Variants in L3MBTL4 observed in about 807,000 individuals in gnomAD.
L3MBTL4 encodes the protein lethal(3)malignant brain tumor-like protein 4.
Under a neutral mutation model 84.5 loss-of-function variants are expected in L3MBTL4, and 70 were observed. The observed-to-expected ratio is 0.83, with a 90% CI of 0.68 to 1.01. The LOEUF (loss-of-function observed/expected upper bound fraction) is 1.01. Ranked by LOEUF, L3MBTL4 falls within the 50% of genes least tolerant of loss-of-function variation. The pLI is 0.00. For missense variants in L3MBTL4, 715 were observed against 754.8 expected (o/e 0.95, Z 0.62); for synonymous variants, 274 against 259.8 (o/e 1.05, Z -0.52).
At position 6,126,200 on chromosome 18, in the gene L3MBTL4, T is replaced by A. The variant is rs1306782837; in HGVS notation, c.1199+11994A>T. On this transcript the variant is annotated intron_variant, in intron 14 of 18. Transcript: ENST00000317931. ...ACTTGGATTATGGGACTATAAGTGG[T>A]TTTTATTTATTTTTAAATGCTTCTT... Among the ~76,000 whole-genome samples the A allele has an allele frequency of 3.9e-5, 6 of 152,210 alleles. No individual in the cohort carries two copies. The East Asian group carries it at 9.6e-4, about 24-fold the overall frequency.
intron 16 of L3MBTL4, among the ~76,000 whole-genome samples, chr18:6,026,908 C>T (rs2055533193): frequency 6.6e-6 from 1 of 151,898 alleles, no homozygotes; most frequent in Non-Finnish European, 1.5e-5. Flanking sequence ...CTTAATTTTC[C>T]TCATGTTATG....
intron 16 of L3MBTL4, among the ~76,000 whole-genome samples, chr18:6,063,625 A>G (rs537375132): frequency 6.6e-6 from 1 of 151,014 alleles, no homozygotes; most frequent in Non-Finnish European, 1.5e-5. Context: ...GCATTTTTTC[A>G]TATGTCTGTT....
At chr18:5,971,475 T>C (rs1242259428) in intron 16 of L3MBTL4, among the ~76,000 whole-genome samples, 5 of 152,240 alleles carry the variant, frequency 3.3e-5, no homozygotes, top group African/African-American at 1.2e-4. Flanking sequence ...ACTCATGCCC[T>C]GGGTAAATTA....
intron 16 of L3MBTL4, among the ~76,000 whole-genome samples, chr18:5,997,529 AAATTGT>A (rs2054029391): frequency 6.6e-6 from 1 of 152,182 alleles, no homozygotes; most frequent in South Asian, 2.1e-4. Context: ...TCTCACATGT[AAATTGT>A]GTATTTCAAG....
chr18:5,976,831 G>T (rs1182353043), intron 16 of L3MBTL4, among the ~76,000 whole-genome samples: 1 of 152,182 alleles, frequency 6.6e-6, no homozygotes, highest in African/African-American at 2.4e-5. Flanking sequence ...GTTAGGAACT[G>T]TTCAGAGTTA....
chr18:6,355,801 C>T (rs2053417032), intron 1 of L3MBTL4, among the ~76,000 whole-genome samples: 1 of 151,598 alleles, frequency 6.6e-6, no homozygotes, highest in South Asian at 2.1e-4. Context: ...TTAGCACCCT[C>T]ATTTTATCCT....
intron 1 of L3MBTL4, among the ~76,000 whole-genome samples, chr18:6,329,151 C>CTTTTTTTTTTTTTT (rs992694853): frequency 2.4e-4 from 31 of 126,532 alleles, no homozygotes; most frequent in Middle Eastern, 3.8e-3. Context: ...TTTTTCTTTT[C>CTTTTTTTTTTTTTT]TTTTTTTTTT....
At chr18:6,006,042 C>T (rs959194878) in intron 16 of L3MBTL4, among the ~76,000 whole-genome samples, 1 of 151,118 alleles carries the variant, frequency 6.6e-6, no homozygotes, top group Non-Finnish European at 1.5e-5. Context: ...ACTGAAGCCA[C>T]ATCTATAACA....
intron 16 of L3MBTL4, among the ~76,000 whole-genome samples, chr18:6,051,220 G>A (rs2056826852): frequency 6.6e-6 from 1 of 152,212 alleles, no homozygotes; most frequent in Admixed American, 6.5e-5. Flanking sequence ...GGTCATGACA[G>A]TCTGCATGAA....
chr18:6,310,373 T>C (rs2050773555), intron 3 of L3MBTL4, among the ~76,000 whole-genome samples: 1 of 152,192 alleles, frequency 6.6e-6, no homozygotes, highest in Non-Finnish European at 1.5e-5. Flanking sequence ...CCTGGCCCAA[T>C]GTTAATCACC....
At chr18:6,406,948 T>C (rs1435925794) in intron 1 of L3MBTL4, among the ~76,000 whole-genome samples, 3 of 152,194 alleles carry the variant, frequency 2.0e-5, no homozygotes, top group South Asian at 2.1e-4. Flanking sequence ...TGGAAATAAA[T>C]GCAATGTAAA....
At chr18:6,221,338 C>T (rs1185358801) in intron 10 of L3MBTL4, among the ~76,000 whole-genome samples, 1 of 152,110 alleles carries the variant, frequency 6.6e-6, no homozygotes, top group African/African-American at 2.4e-5. Context: ...GGCCAATAGT[C>T]CTATTTAATA....
At chr18:6,012,208 A>C (rs972263994) in intron 16 of L3MBTL4, among the ~76,000 whole-genome samples, 3 of 152,164 alleles carry the variant, frequency 2.0e-5, no homozygotes, top group Non-Finnish European at 4.4e-5. Context: ...TGAAGATCAC[A>C]AAACAATCAA....
At chr18:6,186,399 C>T (rs771792769) in intron 12 of L3MBTL4, among the ~76,000 whole-genome samples, 30 of 151,652 alleles carry the variant, frequency 2.0e-4, no homozygotes, top group Non-Finnish European at 2.4e-4. Context: ...AGAAGCTCCC[C>T]TAGGAAGGAC....
At chr18:6,289,485 C>T (rs1197751107) in intron 4 of L3MBTL4, among the ~76,000 whole-genome samples, 1 of 152,126 alleles carries the variant, frequency 6.6e-6, no homozygotes, top group Non-Finnish European at 1.5e-5. Context: ...TTTAGTTTCC[C>T]TAGTTTCAAG....
In L3MBTL4 at chr18:5,969,574, G is replaced by C; in HGVS notation, c.1445-12C>G. On this transcript the variant is annotated splice_polypyrimidine_tract_variant and intron_variant, in intron 16 of 18. Transcript: ENST00000317931. The stretch of plus-strand genomic sequence containing the variant: ...CTCCACCGAGTATTCTGTAAGAGAG[G>C]TGGGGTGGGGTGAGGCTCAGGCTCC... The C allele has an allele frequency of 6.3e-7, 1 of 1,578,456 alleles. No individual in the cohort carries two copies. The highest frequency in any genetic ancestry group is 8.6e-7 in the Non-Finnish European group (1 of 1,158,916).
At chr18:6,164,749 C>A (rs549427766) in intron 13 of L3MBTL4, among the ~76,000 whole-genome samples, 4 of 152,132 alleles carry the variant, frequency 2.6e-5, no homozygotes, top group Admixed American at 2.0e-4. Flanking sequence ...GCAGAAAAAC[C>A]GGAAACCCTA....
intron 16 of L3MBTL4, among the ~76,000 whole-genome samples, chr18:6,044,122 G>T (rs146115817): frequency 1.5e-4 from 23 of 152,286 alleles, no homozygotes; most frequent in African/African-American, 5.5e-4. Flanking sequence ...GTCTTCTCAA[G>T]AGCATTAGTA....
At chr18:6,121,215 T>C (rs117297519) in intron 14 of L3MBTL4, among the ~76,000 whole-genome samples, 1,612 of 152,324 alleles carry the variant, frequency 0.011, 19 homozygotes, top group Admixed American at 0.022. Context: ...AGCACCACAT[T>C]ATTTACTTTG....
Sources: allele counts gnomAD v4.1 joint callset (sites outside exome capture counted in the v4.1 genomes callset), GRCh38; gene constraint gnomAD v4.1.1; transcripts MANE v1.5; gene names NCBI Gene and HGNC (gene_info 2026-07-23, HGNC 2026-07-21).